The following LRCH2 variants were observed in gnomAD, a reference collection of about 807,000 sequenced individuals.
The protein encoded by LRCH2 is leucine rich repeats and calponin homology domain containing 2, also known as leucine-rich repeat and calponin homology domain-containing protein 2.
In LRCH2, 38 loss-of-function variants were observed where a neutral mutation model predicts 68.9. The observed-to-expected ratio is 0.55, with a 90% CI of 0.43 to 0.72. LRCH2 has a LOEUF of 0.72. Among genes scored for constraint, LRCH2 ranks in the 30% least tolerant of loss-of-function variants. LRCH2 has a pLI of 0.00. For missense variants in LRCH2, 528 were observed against 572.9 expected, an observed-to-expected ratio of 0.92 and a Z score of 0.80; for synonymous variants, 191 against 208.1, an observed-to-expected ratio of 0.92 and a Z score of 0.71.
chrX:115,187,110 A>G (rs1258319238), intron 2 of LRCH2, among the ~76,000 whole-genome samples: 2 of 111,641 alleles, frequency 1.8e-5, no homozygotes, highest in African/African-American at 6.5e-5. Flanking sequence ...GAGCCACCGC[A>G]CCCAGCCAGG....
intron 1 of LRCH2, chrX:115,189,688 C>G (rs1556556267): frequency 2.6e-6 from 3 of 1,167,230 alleles, no homozygotes; most frequent in African/African-American, 1.8e-5. Context: ...CATGGTGGCC[C>G]AGACCATCAA....
chrX:115,142,321 A>G (rs782167894), intron 14 of LRCH2, among the ~76,000 whole-genome samples: 1 of 112,200 alleles, frequency 8.9e-6, no homozygotes, highest in South Asian at 3.7e-4. Context: ...TGGACCCAAC[A>G]GATATTTACT....
At chrX:115,115,022 C>A (rs373144570) in intron 20 of LRCH2, among the ~76,000 whole-genome samples, 2 of 110,717 alleles carry the variant, frequency 1.8e-5, no homozygotes, top group Admixed American at 9.7e-5. Context: ...GACTCATACA[C>A]TGAAAACTAC....
At chrX:115,179,897 T>C in intron 3 of LRCH2, 146 bp from the exon 4 acceptor site, 1 of 193,575 alleles carries the variant, frequency 5.2e-6, no homozygotes, top group Non-Finnish European at 9.4e-6. Flanking sequence ...AGATGGATTA[T>C]CTGGCAGATT....
intron 1 of LRCH2, among the ~76,000 whole-genome samples, chrX:115,207,015 T>C (rs1322770597): frequency 9.0e-6 from 1 of 111,636 alleles, no homozygotes; most frequent in East Asian, 2.8e-4. Flanking sequence ...AACTTTTATA[T>C]AGCTATAATT....
Position 115,124,521 on chromosome X carries a change from G to A in LRCH2, c.1792-519C>T, listed in dbSNP as rs1304462203. Among the ~76,000 whole-genome samples, 3 of 112,106 alleles carry A rather than the reference G, an allele frequency of 2.7e-5. No individual in the cohort carries two copies. In the South Asian group the frequency reaches 1.1e-3, roughly 41 times the overall value. ...ACAGTGGTTTGCTATGGAAAGATTT[G>A]TAGTACATTAAACAAATCTGAAGAT... On this transcript the variant is annotated intron_variant, in intron 16 of 20. Transcript: ENST00000317135.
chrX:115,225,386 T>C (rs1318384801), intron 1 of LRCH2, among the ~76,000 whole-genome samples: 1 of 110,701 alleles, frequency 9.0e-6, no homozygotes, highest in Non-Finnish European at 1.9e-5. Flanking sequence ...CCAACATAGG[T>C]AAGGATGGAT....
chrX:115,217,708 T>C (rs1437632536), intron 1 of LRCH2, among the ~76,000 whole-genome samples: 2 of 111,995 alleles, frequency 1.8e-5, no homozygotes, highest in Non-Finnish European at 3.8e-5. Flanking sequence ...TGTCTCTTTA[T>C]AGTAGAATGA....
chrX:115,190,051 C>T (rs1556556764), intron 1 of LRCH2: 2 of 1,155,209 alleles, frequency 1.7e-6, no homozygotes, highest in African/African-American at 1.8e-5. Flanking sequence ...CGGCCCACCC[C>T]ACAAGAGGGC....
At chrX:115,120,266 A>G (rs1330858636) in intron 20 of LRCH2, among the ~76,000 whole-genome samples, 1 of 87,331 alleles carries the variant, frequency 1.1e-5, no homozygotes, top group Non-Finnish European at 2.2e-5. Flanking sequence ...TTCACAACCT[A>G]CTCATCTGAC....
chrX:115,181,190 G>A (rs2072689047), intron 3 of LRCH2, among the ~76,000 whole-genome samples: 1 of 111,549 alleles, frequency 9.0e-6, no homozygotes, highest in African/African-American at 3.3e-5. Context: ...AGTGTAACTA[G>A]AGGGAAATGG....
chrX:115,144,348 A>G (rs1263733353), intron 14 of LRCH2, among the ~76,000 whole-genome samples: 2 of 111,526 alleles, frequency 1.8e-5, no homozygotes, highest in Non-Finnish European at 3.8e-5. Context: ...ATATCTCAAC[A>G]TAATAAAAGC....
intron 14 of LRCH2, among the ~76,000 whole-genome samples, chrX:115,148,934 A>G (rs1251915312): frequency 8.9e-6 from 1 of 111,976 alleles, no homozygotes; most frequent in Non-Finnish European, 1.9e-5. Flanking sequence ...GAAACAAACA[A>G]ATGTGCATAC....
chrX:115,183,680 C>T (rs1037879361), intron 3 of LRCH2, among the ~76,000 whole-genome samples: 9 of 109,937 alleles, frequency 8.2e-5, no homozygotes, highest in African/African-American at 3.0e-4. Flanking sequence ...GGCAACAGAG[C>T]GAGACTCTAT....
At chrX:115,173,690 G>A (rs1556548593) in intron 5 of LRCH2, among the ~76,000 whole-genome samples, 1 of 111,385 alleles carries the variant, frequency 9.0e-6, no homozygotes, top group Non-Finnish European at 1.9e-5. Flanking sequence ...ACAACGTGAT[G>A]CTTTGATATA....
chrX:115,195,530 C>G (rs2072880984), intron 1 of LRCH2, among the ~76,000 whole-genome samples: 1 of 109,870 alleles, frequency 9.1e-6, no homozygotes, highest in Non-Finnish European at 1.9e-5. Flanking sequence ...TCCAAGATAG[C>G]TGACTAAAAA....
intron 5 of LRCH2, among the ~76,000 whole-genome samples, chrX:115,173,132 C>T (rs943250069): frequency 9.0e-5 from 10 of 110,870 alleles, no homozygotes; most frequent in South Asian, 3.8e-4. Context: ...ATTTTTTCTT[C>T]GAGCTTTATT....
At chrX:115,209,095 A>T (rs1161282881) in intron 1 of LRCH2, among the ~76,000 whole-genome samples, 9 of 112,475 alleles carry the variant, frequency 8.0e-5, no homozygotes, top group African/African-American at 2.9e-4. Context: ...TGAAATCAGA[A>T]CTCTAAATTC....
At chrX:115,120,468 G>T (rs2072128578) in intron 20 of LRCH2, among the ~76,000 whole-genome samples, 1 of 82,562 alleles carries the variant, frequency 1.2e-5, no homozygotes. Context: ...AAACCACTAT[G>T]AGATACCATC....
Sources: allele counts gnomAD v4.1 joint callset (sites outside exome capture counted in the v4.1 genomes callset), GRCh38; gene constraint gnomAD v4.1.1; transcripts MANE v1.5; gene names NCBI Gene and HGNC (gene_info 2026-07-23, HGNC 2026-07-21).